The following B4GALT1 variants were observed in gnomAD, a reference collection of about 807,000 sequenced individuals.
The protein encoded by B4GALT1 is beta-1,4-galactosyltransferase 1.
Under a neutral mutation model 34.9 loss-of-function variants are expected in B4GALT1, and 16 were observed. The observed-to-expected ratio is 0.46, with a 90% confidence interval of 0.31 to 0.70. B4GALT1 has a LOEUF of 0.70. Among genes scored for constraint, B4GALT1 ranks in the 30% least tolerant of loss-of-function variants. The probability of loss-of-function intolerance (pLI) is 0.05; values close to 1 mark genes in which losing one functional copy is unlikely to be tolerated. For missense variants in B4GALT1, 445 were observed against 530.5 expected, an observed-to-expected ratio of 0.84 and a Z score of 1.58; for synonymous variants, 221 against 218.1, an observed-to-expected ratio of 1.01 and a Z score of -0.12.
intron 2 of B4GALT1, among the ~76,000 whole-genome samples, chr9:33,127,061 A>C (rs567224574): frequency 3.3e-5 from 5 of 152,224 alleles, no homozygotes; most frequent in African/African-American, 1.2e-4. Flanking sequence ...TCCCGGGTTC[A>C]TATCATTCTC....
chr9:33,118,243 G>T (rs1216236616), intron 3 of B4GALT1, among the ~76,000 whole-genome samples: 1 of 152,218 alleles, frequency 6.6e-6, no homozygotes, highest in Non-Finnish European at 1.5e-5. Context: ...TTTAAGACAA[G>T]AAGTTAGGAT....
In B4GALT1 at chr9:33,113,208, T is replaced by C; in HGVS notation, c.*246A>G. 1 of 564,824 alleles carries C rather than the reference T, an allele frequency of 1.8e-6. No homozygotes were observed. The highest frequency in any genetic ancestry group is 3.2e-6 in the Non-Finnish European group (1 of 314,912). 35.0% of individuals were successfully genotyped at this position (564,824 alleles called of 1,614,324 possible). A position where few individuals can be genotyped will look rare whatever the true frequency, so the allele number is the denominator to read the frequency against. On this transcript the variant is annotated 3_prime_UTR_variant, in exon 6 of 6. Coordinates refer to ENST00000379731, the MANE Select transcript of B4GALT1 (RefSeq NM_001497.4). ...TACAGTTCTGACTCTGGGGTGACAC[T>C]GCGAACACATCAAGAAACCCGCAAA...
chr9:33,160,356 G>A (rs997195663), intron 1 of B4GALT1, among the ~76,000 whole-genome samples: 1 of 152,186 alleles, frequency 6.6e-6, no homozygotes, highest in African/African-American at 2.4e-5. Context: ...CTATGATACT[G>A]CCTTTGTGAT....
chr9:33,113,889 T>G lies in B4GALT1; in HGVS notation c.960-11A>C. The G allele has an allele frequency of 6.2e-7, 1 of 1,612,482 alleles. No individual in the cohort carries two copies. The highest frequency in any genetic ancestry group is 1.3e-5 in the African/African-American group (1 of 74,662). ...CCTCTAAAAACTAATCTGCAAAGAG[T>G]AAAGGGAAAGTCATTATCACAGAGC... On this transcript the variant is annotated splice_polypyrimidine_tract_variant and intron_variant, in intron 4 of 5. Transcript: ENST00000379731.
the B4GALT1 span, among the ~76,000 whole-genome samples, chr9:33,173,231 C>A: frequency 6.6e-6 from 1 of 152,238 alleles, no homozygotes; most frequent in Admixed American, 6.5e-5. Context: ...TGTTGAAACC[C>A]CATCTCTACC....
At chr9:33,166,683 G>GA in intron 1 of B4GALT1, 75 bp downstream of exon 1, 3 of 1,411,816 alleles carry the variant, frequency 2.1e-6, no homozygotes, top group Admixed American at 5.5e-5. Context: ...CAGCCTGAGG[G>GA]AATGTCTGGG....
intron 1 of B4GALT1, among the ~76,000 whole-genome samples, chr9:33,151,055 G>C (rs1423815600): frequency 6.6e-6 from 1 of 152,132 alleles, no homozygotes; most frequent in Non-Finnish European, 1.5e-5. Context: ...ACAAAGGAGG[G>C]GGACCCCAAC....
upstream of B4GALT1, among the ~76,000 whole-genome samples, chr9:33,172,145 A>T (rs1840848182): frequency 6.6e-6 from 1 of 152,224 alleles, no homozygotes; most frequent in Non-Finnish European, 1.5e-5. Flanking sequence ...TACTGCAGGT[A>T]GGCCAACAAG....
chr9:33,169,022 C>T (rs1032992069), upstream of B4GALT1, among the ~76,000 whole-genome samples: 1 of 152,208 alleles, frequency 6.6e-6, no homozygotes, highest in African/African-American at 2.4e-5. Flanking sequence ...TCAGTGCTAC[C>T]TTCAAAACAT....
chr9:33,151,300 TGTAA>T (rs1483853436), intron 1 of B4GALT1, among the ~76,000 whole-genome samples: 1 of 152,242 alleles, frequency 6.6e-6, no homozygotes, highest in African/African-American at 2.4e-5. Flanking sequence ...CATTCCAGTA[TGTAA>T]GTAAGTCTCC....
intron 1 of B4GALT1, among the ~76,000 whole-genome samples, chr9:33,147,257 T>C (rs569148619): frequency 1.3e-5 from 2 of 151,698 alleles, no homozygotes; most frequent in East Asian, 3.9e-4. Context: ...TTTTTTTTTT[T>C]TTTTTTTCCC....
Position 33,167,220 on chromosome 9 carries a change from C to T in B4GALT1, c.-51G>A. 6.7e-7 allele frequency: 1 copy of T among 1,482,368 alleles called. No individual in the cohort carries two copies. Among genetic ancestry groups the T allele is most frequent in the South Asian group, 1.4e-5 (1 of 73,526 alleles). 91.8% of individuals were successfully genotyped at this position (1,482,368 alleles called of 1,614,324 possible). On this transcript the variant is annotated 5_prime_UTR_variant, in exon 1 of 6. Coordinates refer to ENST00000379731, the MANE Select transcript of B4GALT1 (RefSeq NM_001497.4). ...TGTGGGCTACAGGAGGGGAGGCGAC[C>T]CGCCCGCGGGCCGCCCGCCAGGCGC...
At chr9:33,122,668 G>A (rs1225364882) in intron 2 of B4GALT1, among the ~76,000 whole-genome samples, 1 of 152,164 alleles carries the variant, frequency 6.6e-6, no homozygotes, top group African/African-American at 2.4e-5. Flanking sequence ...GCACCAGAAA[G>A]AGAATCAAGG....
In B4GALT1 at chr9:33,115,977, G is replaced by C. The variant is rs1587727392; in HGVS notation, c.959+14C>G. The C allele has an allele frequency of 6.2e-7, 1 of 1,607,824 alleles. No individual in the cohort carries two copies. Among genetic ancestry groups the C allele is most frequent in the South Asian group, 1.1e-5 (1 of 90,968 alleles). Reference sequence around the variant, plus strand: ...GTTGACAGAGGAGAAAGATATCTAAGTTATGACCATTACCTGTTAAAAATG... The same window carrying C: ...GTTGACAGAGGAGAAAGATATCTAACTTATGACCATTACCTGTTAAAAATG... On this transcript the variant is annotated intron_variant, in intron 4 of 5. Coordinates refer to ENST00000379731, the MANE Select transcript of B4GALT1 (RefSeq NM_001497.4).
In B4GALT1 at chr9:33,154,360, A is replaced by G. The variant is rs187495356; in HGVS notation, c.412+12398T>C. ...GAACTTCCTCAACCTGATAAAGGGC[A>G]CCTAGGAAAAACCCACTGCTAACAC... On this transcript the variant is annotated intron_variant, in intron 1 of 5. Transcript: ENST00000379731. 2.4e-3 allele frequency among the ~76,000 whole-genome samples: 370 copies of G among 152,324 alleles called. 3 individuals carry two copies. Among genetic ancestry groups the G allele is most frequent in the Middle Eastern group, 3.4e-3 (1 of 294 alleles).
chr9:33,183,026 C>T, the B4GALT1 span, among the ~76,000 whole-genome samples: 2 of 152,276 alleles, frequency 1.3e-5, no homozygotes, highest in East Asian at 1.9e-4. Context: ...GCTTATCCAT[C>T]GCTTTCCGAT....
At chr9:33,125,940 A>G (rs1296933453) in intron 2 of B4GALT1, among the ~76,000 whole-genome samples, 1 of 152,190 alleles carries the variant, frequency 6.6e-6, no homozygotes, top group African/African-American at 2.4e-5. Flanking sequence ...CCTCTCCTGC[A>G]CCAAAAGACA....
intron 1 of B4GALT1, among the ~76,000 whole-genome samples, chr9:33,159,953 C>T (rs1840651440): frequency 6.6e-6 from 1 of 152,230 alleles, no homozygotes. Context: ...CAGATTTCTG[C>T]TCAGCCAGAT....
intron 1 of B4GALT1, among the ~76,000 whole-genome samples, chr9:33,158,148 C>T (rs1470717963): frequency 6.6e-6 from 1 of 152,068 alleles, no homozygotes; most frequent in Non-Finnish European, 1.5e-5. Context: ...AAACTGGAAT[C>T]TAGGAGGTAG....
Sources: allele counts gnomAD v4.1 joint callset (sites outside exome capture counted in the v4.1 genomes callset), GRCh38; gene constraint gnomAD v4.1.1; transcripts MANE v1.5; gene names NCBI Gene and HGNC (gene_info 2026-07-23, HGNC 2026-07-21).